Variants in KATNAL2 observed in about 807,000 individuals in gnomAD.
The protein encoded by KATNAL2 is katanin p60 ATPase-containing subunit A-like 2.
In KATNAL2, 52 loss-of-function variants were observed where a neutral mutation model predicts 76.3. That is an observed-to-expected ratio of 0.68 (90% confidence interval 0.55 to 0.86). KATNAL2 has a LOEUF of 0.86. KATNAL2 is among the 40% of genes least tolerant of loss of function. The pLI is 0.00. For missense variants in KATNAL2, 660 were observed against 668.9 expected (o/e 0.99, Z 0.15); for synonymous variants, 243 against 244.2 (o/e 1.00, Z 0.05).
At chr18:47,049,069 C>A (rs893404308) in intron 4 of KATNAL2, among the ~76,000 whole-genome samples, 1 of 152,010 alleles carries the variant, frequency 6.6e-6, no homozygotes, top group Non-Finnish European at 1.5e-5. Flanking sequence ...GTGATCCACC[C>A]GCCTCGGCCT....
intron 15 of KATNAL2, among the ~76,000 whole-genome samples, chr18:47,096,320 CA>C (rs1169398084): frequency 2.6e-5 from 4 of 152,220 alleles, no homozygotes; most frequent in South Asian, 2.1e-4. Context: ...ATGACGTTTT[CA>C]TTGTTACTCT....
rs1367627753 is a variant in KATNAL2 at position 47,098,498 on chromosome 18, T to C, written c.1212-745T>C. On this transcript the variant is annotated intron_variant, in intron 15 of 17. Coordinates refer to ENST00000683218, the MANE Select transcript of KATNAL2 (RefSeq NM_001387690.1). ...GGTGGAAACTGCTCACGATTCAAATTATCTCCTACTGGGTCCCTCCCACAA... is the reference window on the plus strand; with the variant it reads ...GGTGGAAACTGCTCACGATTCAAATCATCTCCTACTGGGTCCCTCCCACAA... 3 of 160,156 alleles carry C rather than the reference T, an allele frequency of 1.9e-5. 1 individual carries two copies. Among genetic ancestry groups the C allele is most frequent in the African/African-American group, 7.2e-5 (3 of 41,544 alleles). 9.9% of individuals were successfully genotyped at this position (160,156 alleles called of 1,614,324 possible).
At chr18:46,941,385 A>G (rs2059242434) in intron 1 of KATNAL2, among the ~76,000 whole-genome samples, 1 of 152,180 alleles carries the variant, frequency 6.6e-6, no homozygotes, top group Non-Finnish European at 1.5e-5. Flanking sequence ...AAATCACCTT[A>G]CAAAACATCC....
At chr18:47,038,474 A>G (rs1052696125) in intron 3 of KATNAL2, among the ~76,000 whole-genome samples, 4 of 152,122 alleles carry the variant, frequency 2.6e-5, no homozygotes, top group African/African-American at 4.8e-5. Flanking sequence ...ATGTGCATGT[A>G]TGTGCACACA....
At chr18:47,031,498 G>T (rs1281040949) in intron 3 of KATNAL2, among the ~76,000 whole-genome samples, 1 of 152,070 alleles carries the variant, frequency 6.6e-6, no homozygotes, top group Non-Finnish European at 1.5e-5. Context: ...TGAGAATCGG[G>T]GAATGGGGAT....
At position 47,075,426 on chromosome 18, in the gene KATNAL2, C is replaced by T. The variant is rs779420294; in HGVS notation, c.1100+58C>T. The stretch of plus-strand genomic sequence containing the variant: ...TGTTTTTTGTCATGGCTTCTCCCCT[C>T]TTGTGTGTTTGATGGTCGGAAGCCT... On this transcript the variant is annotated intron_variant, in intron 14 of 17. Coordinates refer to ENST00000683218, the MANE Select transcript of KATNAL2 (RefSeq NM_001387690.1). 61 of 1,270,862 alleles carry T rather than the reference C, an allele frequency of 4.8e-5. 1 individual carries two copies. Among genetic ancestry groups the T allele is most frequent in the Non-Finnish European group, 6.0e-5 (58 of 966,432 alleles). The allele number at this position is 1,270,862 out of a possible 1,614,324, so 78.7% of individuals were successfully genotyped here.
At chr18:47,089,921 A>G (rs1044954130) in intron 15 of KATNAL2, among the ~76,000 whole-genome samples, 1 of 152,038 alleles carries the variant, frequency 6.6e-6, no homozygotes, top group Non-Finnish European at 1.5e-5. Flanking sequence ...TAAAAAAAAA[A>G]TCTATTTTGA....
In KATNAL2 at chr18:46,934,920, G is replaced by T. The variant is rs188096345; in HGVS notation, c.-509-11137G>T. ...TTAAATAGGGAATCCTTTCCCCATT[G>T]CTTGTTTTTGTCAGGTTTGTCAAGA... On this transcript the variant is annotated intron_variant, in intron 1 of 17. Coordinates refer to ENST00000683218, the MANE Select transcript of KATNAL2 (RefSeq NM_001387690.1). 6.4e-3 allele frequency among the ~76,000 whole-genome samples: 974 copies of T among 152,230 alleles called. 7 individuals are homozygous for T. The highest frequency in any genetic ancestry group is 0.022 in the African/African-American group (899 of 41,558).
At chr18:46,922,522 G>A (rs938239204) in intron 1 of KATNAL2, among the ~76,000 whole-genome samples, 4 of 151,780 alleles carry the variant, frequency 2.6e-5, no homozygotes, top group Non-Finnish European at 4.4e-5. Context: ...GGCTGGGCGC[G>A]GTGGCTCACA....
rs755167224 is a variant in KATNAL2, at chr18:47,033,098, G to T, written c.52-13359G>T. 249 of 1,613,994 alleles carry T rather than the reference G, an allele frequency of 1.5e-4. No homozygotes were observed. Among genetic ancestry groups the T allele is most frequent in the Non-Finnish European group, 2.1e-4 (243 of 1,180,046 alleles). On this transcript the variant is annotated intron_variant, in intron 3 of 17. Transcript: ENST00000683218. ...GCCTGTTTCCGGGTTTTGGCCGCGG[G>T]CGCCGCGTGCTCATTGCTGCTGCTC...
At chr18:46,938,806 G>A (rs1400147524) in intron 1 of KATNAL2, among the ~76,000 whole-genome samples, 3 of 151,928 alleles carry the variant, frequency 2.0e-5, no homozygotes, top group Non-Finnish European at 4.4e-5. Context: ...TTTATCCCTG[G>A]TTCACTTAGT....
chr18:47,032,725 G>T (rs2060532290), intron 3 of KATNAL2: 2 of 557,390 alleles, frequency 3.6e-6, no homozygotes, highest in Admixed American at 6.8e-5. Context: ...ATTACAACTA[G>T]GGTGTTTTTA....
intron 11 of KATNAL2, among the ~76,000 whole-genome samples, chr18:47,068,257 T>C (rs564440456): frequency 6.6e-6 from 1 of 152,352 alleles, no homozygotes; most frequent in South Asian, 2.1e-4. Flanking sequence ...GGATTATGAA[T>C]TTATTTTATT....
In KATNAL2 at chr18:47,063,314, A is replaced by T. The variant is rs1396125554; in HGVS notation, c.679A>T (p.Ile227Phe). Residue 227 changes from isoleucine to phenylalanine, a missense_variant, in exon 10 of 18, where the codon ATT (isoleucine) becomes TTT (phenylalanine). Transcript: ENST00000683218. ...ACTGCTGAAACCTCTGAGTGCATTT[A>T]TTGGCATGAACAGTGAGATGCGAGA... ...ERLLKPLSAF[I>F]GMNSEMRELA... 5 of 1,613,870 alleles carry T rather than the reference A, an allele frequency of 3.1e-6. No individual in the cohort carries two copies. The African/African-American group carries it at 6.7e-5, about 22-fold the overall frequency.
At position 47,052,014 on chromosome 18, in the gene KATNAL2, A is replaced by G. The variant is rs1247269137; in HGVS notation, c.123-866A>G. Among the ~76,000 whole-genome samples the G allele has an allele frequency of 3.9e-5, 6 of 152,236 alleles. No individual in the cohort carries two copies. In the South Asian group the frequency reaches 1.2e-3, roughly 32 times the overall value. On this transcript the variant is annotated intron_variant, in intron 4 of 17. Transcript: ENST00000683218. ...GAAAGAACTCTAACCTGCAGCAGAA[A>G]TCTGAATCTGGGGTCCTTGGATGAG...
rs777403052 is a variant in KATNAL2, at chr18:47,069,493, A to C, written c.901A>C (p.Thr301Pro). The part of the protein sequence containing the change: ...LLYGPPGTGK[T>P]LLAKAVATEC... ...GTGTTTCTCTTTAGGTACAGGAAAG[A>C]CTTTACTGGCCAAAGCTGTGGCCAC... The change falls in exon 13 of 18, where the codon ACT (threonine) becomes CCT (proline). Residue 301 changes from threonine (T) to proline (P), a missense_variant. By Grantham distance (38) the Thr-to-Pro change is conservative (BLOSUM62 -1). Coordinates refer to ENST00000683218, the MANE Select transcript of KATNAL2 (RefSeq NM_001387690.1). 2 of 1,611,518 alleles carry C rather than the reference A, an allele frequency of 1.2e-6. No individual in the cohort carries two copies. Among genetic ancestry groups the C allele is most frequent in the South Asian group, 2.2e-5 (2 of 90,874 alleles).
intron 3 of KATNAL2, among the ~76,000 whole-genome samples, chr18:47,039,036 T>C (rs12457793): frequency 0.16 from 24,491 of 152,154 alleles, 2,201 homozygotes; most frequent in Non-Finnish European, 0.21. Flanking sequence ...CAGGCCCTCA[T>C]GGTGCTGTGT....
intron 3 of KATNAL2, chr18:47,033,543 A>G: frequency 1.2e-6 from 2 of 1,613,978 alleles, no homozygotes; most frequent in Non-Finnish European, 1.7e-6. Context: ...CGAGTGCGTG[A>G]TTGTCTTTCT....
intron 3 of KATNAL2, among the ~76,000 whole-genome samples, chr18:47,041,791 C>T (rs952544032): frequency 6.6e-6 from 1 of 152,174 alleles, no homozygotes; most frequent in Admixed American, 6.5e-5. Flanking sequence ...AAAAACCTGC[C>T]AAAGTGCCTT....
Sources: allele counts gnomAD v4.1 joint callset (sites outside exome capture counted in the v4.1 genomes callset), GRCh38; gene constraint gnomAD v4.1.1; transcripts MANE v1.5; gene names NCBI Gene and HGNC (gene_info 2026-07-23, HGNC 2026-07-21).